Variants in THRB observed in about 807,000 individuals in gnomAD.
THRB encodes the protein thyroid hormone receptor beta, also known as nuclear receptor subfamily 1 group A member 2.
THRB carries 12 observed loss-of-function variants against 47.8 expected under a neutral mutation model. The observed-to-expected ratio is 0.25, with a 90% confidence interval of 0.16 to 0.41. The LOEUF (loss-of-function observed/expected upper bound fraction) is 0.41. Ranked by LOEUF, THRB falls within the 10% of genes least tolerant of loss-of-function variation. The probability of loss-of-function intolerance (pLI) is 1.00; values close to 1 mark genes in which losing one functional copy is unlikely to be tolerated. For missense variants in THRB, 348 were observed against 589.2 expected (o/e 0.59, Z 4.24); for synonymous variants, 218 against 212.2 (o/e 1.03, Z -0.24).
At chr3:24,196,412 A>G (rs1399406921) in intron 4 of THRB, among the ~76,000 whole-genome samples, 1 of 152,226 alleles carries the variant, frequency 6.6e-6, no homozygotes, top group Non-Finnish European at 1.5e-5. Flanking sequence ...AAATGGGAAT[A>G]TACTATTGTT....
intron 4 of THRB, among the ~76,000 whole-genome samples, chr3:24,209,359 A>G (rs2045763047): frequency 6.6e-6 from 1 of 152,232 alleles, no homozygotes; most frequent in Non-Finnish European, 1.5e-5. Context: ...TCATGCTGCT[A>G]TAAAGACACA....
At chr3:24,356,148 C>T (rs1264565464) in intron 1 of THRB, among the ~76,000 whole-genome samples, 2 of 152,088 alleles carry the variant, frequency 1.3e-5, no homozygotes, top group Non-Finnish European at 2.9e-5. Flanking sequence ...GGTGAAGGAT[C>T]TTGAGCAAGT....
At chr3:24,286,674 T>C (rs939764907) in intron 3 of THRB, among the ~76,000 whole-genome samples, 2 of 152,198 alleles carry the variant, frequency 1.3e-5, no homozygotes, top group Non-Finnish European at 2.9e-5. Context: ...TTTATTCATG[T>C]TGAAACTCAG....
intron 1 of THRB, among the ~76,000 whole-genome samples, chr3:24,454,110 T>C (rs1181049078): frequency 6.6e-6 from 1 of 151,998 alleles, no homozygotes; most frequent in East Asian, 1.9e-4. Flanking sequence ...TACAAAAAAC[T>C]CAATAGTAAA....
At chr3:24,466,020 G>C (rs1273073512) in intron 1 of THRB, among the ~76,000 whole-genome samples, 5 of 151,966 alleles carry the variant, frequency 3.3e-5, no homozygotes, top group African/African-American at 9.7e-5. Context: ...GTCCATAATA[G>C]CATGACTGTA....
At chr3:24,130,805 G>C (rs2033738809) in intron 9 of THRB, among the ~76,000 whole-genome samples, 1 of 152,152 alleles carries the variant, frequency 6.6e-6, no homozygotes, top group African/African-American at 2.4e-5. Flanking sequence ...AGTGATGCGG[G>C]CAGGATATAG....
At chr3:24,171,375 C>T (rs1323572077) in intron 5 of THRB, among the ~76,000 whole-genome samples, 2 of 152,184 alleles carry the variant, frequency 1.3e-5, no homozygotes, top group Non-Finnish European at 1.5e-5. Context: ...GAGCACCCAA[C>T]TTTAAAGCAG....
chr3:24,352,143 G>T (rs6773860), intron 1 of THRB, among the ~76,000 whole-genome samples: 1 of 152,078 alleles, frequency 6.6e-6, no homozygotes, highest in Admixed American at 6.6e-5. Context: ...TAGCAAACAT[G>T]TTGGAAGGAA....
At chr3:24,334,811 T>C (rs546394894) in intron 2 of THRB, among the ~76,000 whole-genome samples, 2 of 152,324 alleles carry the variant, frequency 1.3e-5, no homozygotes, top group South Asian at 2.1e-4. Flanking sequence ...AGAACCATCC[T>C]GAATGTGCCA....
intron 1 of THRB, among the ~76,000 whole-genome samples, chr3:24,393,065 GT>G (rs904729148): frequency 3.3e-5 from 5 of 152,054 alleles, no homozygotes; most frequent in African/African-American, 9.7e-5. Context: ...AGACTTCTGA[GT>G]TTTTTTCTGT....
At chr3:24,157,681 T>C (rs111777055) in intron 5 of THRB, among the ~76,000 whole-genome samples, 3 of 152,170 alleles carry the variant, frequency 2.0e-5, no homozygotes, top group African/African-American at 7.2e-5. Context: ...AGGTGCATGG[T>C]CACCACACCT....
At chr3:24,326,312 T>C (rs776979463) in intron 2 of THRB, among the ~76,000 whole-genome samples, 3 of 152,220 alleles carry the variant, frequency 2.0e-5, no homozygotes, top group Non-Finnish European at 4.4e-5. Context: ...CTCGGCTCAC[T>C]GCAACCTCCG....
At chr3:24,162,551 T>C (rs2039022797) in intron 5 of THRB, among the ~76,000 whole-genome samples, 1 of 152,114 alleles carries the variant, frequency 6.6e-6, no homozygotes, top group Non-Finnish European at 1.5e-5. Flanking sequence ...AATGTGAAAA[T>C]TACATCGGTT....
intron 2 of THRB, among the ~76,000 whole-genome samples, chr3:24,331,512 T>G (rs34990871): frequency 0.01 from 1,561 of 152,286 alleles, 30 homozygotes; most frequent in African/African-American, 0.034. Flanking sequence ...ATTTAGCCTC[T>G]TTTTCCAGGT....
chr3:24,295,707 A>C (rs1260909848), intron 3 of THRB, among the ~76,000 whole-genome samples: 1 of 152,136 alleles, frequency 6.6e-6, no homozygotes, highest in Non-Finnish European at 1.5e-5. Flanking sequence ...ACAGAGTGTT[A>C]ATGAGGCCAG....
intron 3 of THRB, among the ~76,000 whole-genome samples, chr3:24,278,135 C>A (rs552421141): frequency 3.9e-5 from 6 of 152,264 alleles, no homozygotes; most frequent in Admixed American, 3.9e-4. Context: ...AACTGAATTA[C>A]AGATTACACA....
chr3:24,389,450 T>C (rs530953523), intron 1 of THRB, among the ~76,000 whole-genome samples: 2 of 152,278 alleles, frequency 1.3e-5, no homozygotes, highest in East Asian at 3.9e-4. Flanking sequence ...CATTTCACCT[T>C]TTATTATTAT....
chr3:24,354,527 T>C (rs936964267), intron 1 of THRB, among the ~76,000 whole-genome samples: 3 of 152,126 alleles, frequency 2.0e-5, no homozygotes, highest in African/African-American at 7.2e-5. Flanking sequence ...TTTTTCAACA[T>C]CTTAGAGTGT....
At chr3:24,359,997 C>G (rs543349030) in intron 1 of THRB, among the ~76,000 whole-genome samples, 1 of 152,132 alleles carries the variant, frequency 6.6e-6, no homozygotes, top group Non-Finnish European at 1.5e-5. Context: ...TGAAACTCAA[C>G]CACTCATTAC....
Sources: allele counts gnomAD v4.1 joint callset (sites outside exome capture counted in the v4.1 genomes callset), GRCh38; gene constraint gnomAD v4.1.1; transcripts MANE v1.5; gene names NCBI Gene and HGNC (gene_info 2026-07-23, HGNC 2026-07-21).